MTUS2: variants seen among roughly 807,000 people sequenced by gnomAD.
MTUS2 encodes the protein microtubule-associated tumor suppressor candidate 2.
A neutral mutation model predicts 114.1 loss-of-function variants in MTUS2; 40 were observed. That is an observed-to-expected ratio of 0.35 (90% CI 0.27 to 0.46). The LOEUF (loss-of-function observed/expected upper bound fraction) is 0.46, where lower values mean the gene tolerates loss of function less well. Among genes scored for constraint, MTUS2 ranks in the 20% least tolerant of loss-of-function variants. The pLI is 1.00. For synonymous variants in MTUS2, 688 were observed against 672.0 expected (o/e 1.02, Z -0.37); for missense variants, 1,679 against 1,705.4 (o/e 0.98, Z 0.27).
chr13:29,415,626 T>C (rs1875607180), intron 8 of MTUS2, among the ~76,000 whole-genome samples: 1 of 152,196 alleles, frequency 6.6e-6, no homozygotes, highest in Admixed American at 6.5e-5. Flanking sequence ...TTGTATATAG[T>C]TGAGTCTTTT....
intron 2 of MTUS2, among the ~76,000 whole-genome samples, chr13:28,859,338 T>G (rs966475639): frequency 3.9e-5 from 6 of 152,238 alleles, no homozygotes; most frequent in African/African-American, 1.4e-4. Context: ...CAGGCATGGC[T>G]GGGTTCTTCA....
chr13:28,959,815 A>G (rs1465796078), intron 2 of MTUS2, among the ~76,000 whole-genome samples: 1 of 152,200 alleles, frequency 6.6e-6, no homozygotes, highest in Non-Finnish European at 1.5e-5. Context: ...GGTACATTTC[A>G]ACATGGGATT....
chr13:29,205,682 A>G (rs551664903), intron 5 of MTUS2, among the ~76,000 whole-genome samples: 8 of 152,358 alleles, frequency 5.3e-5, no homozygotes, highest in Admixed American at 5.2e-4. Context: ...TTTCTGAGTT[A>G]CTTCACTTAG....
chr13:29,419,783 A>G (rs1875944069), intron 8 of MTUS2, among the ~76,000 whole-genome samples: 1 of 152,184 alleles, frequency 6.6e-6, no homozygotes, highest in African/African-American at 2.4e-5. Context: ...TTTAGGCAAC[A>G]CTTGAGCTGG....
At position 28,972,241 on chromosome 13, in the gene MTUS2, C is replaced by T. The variant is rs1402017698; in HGVS notation, c.-242-52216C>T. On this transcript the variant is annotated intron_variant, in intron 2 of 15. Transcript: ENST00000612955. ...CACCCTGGGTGGGGGAAGATGCAGC[C>T]CTTGGCATCACAGCAGTCACAGGTA... Among the ~76,000 whole-genome samples the T allele has an allele frequency of 3.3e-5, 5 of 152,158 alleles. No homozygotes were observed. The South Asian group carries it at 1.0e-3, about 32-fold the overall frequency.
intron 10 of MTUS2, chr13:29,481,990 T>C (rs1390737931): frequency 1.3e-5 from 2 of 152,212 alleles, no homozygotes; most frequent in East Asian, 3.9e-4. Flanking sequence ...TCTACAGTCT[T>C]ACTCATTTTA....
rs555956214 is a variant in MTUS2, at chr13:28,877,145, A to C, written c.-243+37295A>C. On this transcript the variant is annotated intron_variant, in intron 2 of 15. Transcript: ENST00000612955. ...TCTACTAAAAATACAAAAAAAAAAA[A>C]CAACAAAAAAATACAAAAAAAAATT... Among the ~76,000 whole-genome samples, 387 of 149,090 alleles carry C rather than the reference A, an allele frequency of 2.6e-3. 4 individuals are homozygous for C. The highest frequency in any genetic ancestry group is 1.0e-2 in the Admixed American group (150 of 15,038).
chr13:29,141,738 A>G (rs149434679), intron 5 of MTUS2, among the ~76,000 whole-genome samples: 49 of 152,362 alleles, frequency 3.2e-4, no homozygotes, highest in African/African-American at 1.1e-3. Flanking sequence ...AATATGTGTA[A>G]TGAGCATAAA....
At chr13:29,382,639 T>C (rs1872303315) in intron 8 of MTUS2, among the ~76,000 whole-genome samples, 1 of 152,202 alleles carries the variant, frequency 6.6e-6, no homozygotes, top group Non-Finnish European at 1.5e-5. Context: ...ACTGGCGCTC[T>C]TAAAACCACT....
chr13:29,152,180 C>G (rs1892688894), intron 5 of MTUS2, among the ~76,000 whole-genome samples: 1 of 151,918 alleles, frequency 6.6e-6, no homozygotes, highest in South Asian at 2.1e-4. Context: ...TGGTTTGTTT[C>G]CAATCAATTT....
intron 2 of MTUS2, among the ~76,000 whole-genome samples, chr13:29,017,195 T>C (rs1886102265): frequency 6.6e-6 from 1 of 152,214 alleles, no homozygotes; most frequent in Non-Finnish European, 1.5e-5. Context: ...AACTAAACTT[T>C]GAAAGCTAGG....
intron 1 of MTUS2, among the ~76,000 whole-genome samples, chr13:28,836,281 G>C (rs1383406898): frequency 1.3e-5 from 2 of 152,142 alleles, no homozygotes; most frequent in Non-Finnish European, 2.9e-5. Flanking sequence ...CACATTTCAA[G>C]TGCTCATTGG....
chr13:29,368,696 C>T (rs1187186368), intron 8 of MTUS2, among the ~76,000 whole-genome samples: 1 of 152,206 alleles, frequency 6.6e-6, no homozygotes, highest in Non-Finnish European at 1.5e-5. Context: ...AGAGCTGGTA[C>T]AGCCCCCTGT....
At chr13:29,019,778 A>G (rs1209449239) in intron 2 of MTUS2, among the ~76,000 whole-genome samples, 2 of 152,238 alleles carry the variant, frequency 1.3e-5, no homozygotes, top group African/African-American at 2.4e-5. Context: ...GTTAGAATTG[A>G]AGTATTGTGC....
At chr13:28,841,651 A>C (rs1274483115) in intron 2 of MTUS2, among the ~76,000 whole-genome samples, 1 of 151,088 alleles carries the variant, frequency 6.6e-6, no homozygotes, top group African/African-American at 2.4e-5. Flanking sequence ...TGGTGATGCA[A>C]AGTTAGTTCT....
chr13:29,255,008 C>T (rs963105133), intron 5 of MTUS2, among the ~76,000 whole-genome samples: 7 of 152,170 alleles, frequency 4.6e-5, no homozygotes, highest in African/African-American at 1.7e-4. Flanking sequence ...GAATTAAATG[C>T]ACCCTGTGAT....
At chr13:29,164,556 CAT>C (rs1198046580) in intron 5 of MTUS2, among the ~76,000 whole-genome samples, 3 of 152,176 alleles carry the variant, frequency 2.0e-5, no homozygotes, top group Admixed American at 2.0e-4. Context: ...TTCAGTCTAT[CAT>C]GTGATATAAT....
chr13:29,285,087 A>G lies in MTUS2; in HGVS notation c.2806+3222A>G, dbSNP rs572290941. ...TCAACTTGAATAAGCTCCTACTGGT[A>G]AAAAAGAAAAAAAAAAGGAAAAACT... On this transcript the variant is annotated intron_variant, in intron 6 of 15. Coordinates refer to ENST00000612955, the MANE Select transcript of MTUS2 (RefSeq NM_001033602.4). Among the ~76,000 whole-genome samples, 9 of 152,074 alleles carry G rather than the reference A, an allele frequency of 5.9e-5. No homozygotes were observed. In the South Asian group the frequency reaches 1.9e-3, roughly 32 times the overall value.
intron 2 of MTUS2, among the ~76,000 whole-genome samples, chr13:28,933,429 A>G (rs1204774171): frequency 6.6e-6 from 1 of 152,224 alleles, no homozygotes; most frequent in Non-Finnish European, 1.5e-5. Flanking sequence ...GATAAGGCCA[A>G]CCCACATTAT....
Sources: gnomAD v4.1 joint callset for allele counts (sites outside exome capture counted in the v4.1 genomes callset) on GRCh38, gnomAD v4.1.1 for gene constraint, MANE v1.5 for transcripts, NCBI Gene and HGNC (gene_info 2026-07-23, HGNC 2026-07-21) for gene names.